PRPF19: variants seen among roughly 807,000 people sequenced by gnomAD.
PRPF19 encodes pre-mRNA-processing factor 19.
A neutral mutation model predicts 64.2 loss-of-function variants in PRPF19; 2 were observed. That is an observed-to-expected ratio of 0.03 (90% CI 0.01 to 0.10). The LOEUF (loss-of-function observed/expected upper bound fraction) is 0.10. Among genes scored for constraint, PRPF19 ranks in the 10% least tolerant of loss-of-function variants. The pLI, the probability that PRPF19 is intolerant of heterozygous loss-of-function variation, is 1.00. For missense variants in PRPF19, 314 were observed against 650.0 expected (o/e 0.48, Z 5.62); for synonymous variants, 226 against 251.6 (o/e 0.90, Z 0.96).
At position 60,890,586 on chromosome 11, in the gene PRPF19, A is replaced by AT. The variant is rs141493608; in HGVS notation, c.*579_*580insA. Reference sequence around the variant, plus strand: ...TTGTTTTTATTTCTGCTGTGCAATTAAAAAAAAAAAAAAAGGGTAAGAGCT... The same window carrying AT: ...TTGTTTTTATTTCTGCTGTGCAATTATAAAAAAAAAAAAAAGGGTAAGAGCT... On this transcript the variant is annotated 3_prime_UTR_variant, in exon 16 of 16. Coordinates refer to ENST00000227524, the MANE Select transcript of PRPF19 (RefSeq NM_014502.5). The AT allele has an allele frequency of 5.6e-5, 1 of 17,826 alleles. No individual in the cohort carries two copies. Among genetic ancestry groups the AT allele is most frequent in the African/African-American group, 9.1e-4 (1 of 1,102 alleles). The allele number at this position is 17,826 out of a possible 1,614,324, so 1.1% of individuals were successfully genotyped here.
At chr11:60,897,305 T>C (rs1855932318) in intron 15 of PRPF19, among the ~76,000 whole-genome samples, 1 of 152,262 alleles carries the variant, frequency 6.6e-6, no homozygotes, top group Non-Finnish European at 1.5e-5. Flanking sequence ...GGAGCAATAA[T>C]AGACTATACT....
At chr11:60,892,680 T>C (rs7105089) in intron 15 of PRPF19, among the ~76,000 whole-genome samples, 41,520 of 151,872 alleles carry the variant, frequency 0.27, 7,096 homozygotes, top group Non-Finnish European at 0.37. Flanking sequence ...GCTGAGGGCT[T>C]TGAACCAAGG....
At chr11:60,897,181 C>T (rs1434323939) in intron 15 of PRPF19, among the ~76,000 whole-genome samples, 1 of 152,194 alleles carries the variant, frequency 6.6e-6, no homozygotes, top group East Asian at 1.9e-4. Flanking sequence ...ATCTCTTATA[C>T]CTTATTTTTA....
chr11:60,905,673 C>T (rs1344755829), intron 1 of PRPF19, among the ~76,000 whole-genome samples: 1 of 152,246 alleles, frequency 6.6e-6, no homozygotes, highest in Non-Finnish European at 1.5e-5. Flanking sequence ...AGATAAGCCC[C>T]GCTCTTCCTG....
Position 60,900,834 on chromosome 11 carries a change from G to A in PRPF19, c.718+20C>T. The A allele has an allele frequency of 1.2e-6, 2 of 1,614,078 alleles. No individual in the cohort carries two copies. Among genetic ancestry groups the A allele is most frequent in the Non-Finnish European group, 1.7e-6 (2 of 1,179,956 alleles). On this transcript the variant is annotated intron_variant, in intron 9 of 15. Transcript: ENST00000227524. ...TGCCCCTCCCCACTTTGGCCTGCCG[G>A]GCTAGGCCCAGACTCTCACCAGTGA... is the stretch of plus-strand genomic sequence containing the variant.
Position 60,902,370 on chromosome 11 carries a change from T to C in PRPF19, c.525+33A>G. 6.3e-7 allele frequency: 1 copy of C among 1,599,504 alleles called. No individual in the cohort carries two copies. The highest frequency in any genetic ancestry group is 8.6e-7 in the Non-Finnish European group (1 of 1,167,746). On this transcript the variant is annotated intron_variant, in intron 6 of 15. Transcript: ENST00000227524. The surrounding 1 kb of genome is among the most constrained non-coding windows in gnomAD (Gnocchi z 5.0). ...ACAGATGGTGAAAAGTAAGGGCCCA[T>C]CAGCACTCCCACCAGGTGAGAGCAG...
At chr11:60,905,824 T>G (rs555833051) in intron 1 of PRPF19, among the ~76,000 whole-genome samples, 14 of 152,372 alleles carry the variant, frequency 9.2e-5, no homozygotes, top group African/African-American at 3.4e-4. Context: ...TTATTAGTCA[T>G]ACAGTGTAAG....
chr11:60,891,159 C>T lies in PRPF19; in HGVS notation c.*7G>A. 2.6e-6 allele frequency: 4 copies of T among 1,542,444 alleles called. No individual in the cohort carries two copies. Among genetic ancestry groups the T allele is most frequent in the Non-Finnish European group, 3.5e-6 (4 of 1,135,356 alleles). Reference sequence around the variant, plus strand: ...TGAGGCCCAGCTTCCATCAGAAGGGCCAGGGCCTACAGGCTGTAGAACTTG... The same window carrying T: ...TGAGGCCCAGCTTCCATCAGAAGGGTCAGGGCCTACAGGCTGTAGAACTTG... On this transcript the variant is annotated 3_prime_UTR_variant, in exon 16 of 16. Coordinates refer to ENST00000227524, the MANE Select transcript of PRPF19 (RefSeq NM_014502.5).
Position 60,906,517 on chromosome 11 carries a change from G to A in PRPF19, c.-135C>T. 1 of 920,956 alleles carries A rather than the reference G, an allele frequency of 1.1e-6. No homozygotes were observed. The highest frequency in any genetic ancestry group is 1.6e-5 in the South Asian group (1 of 61,946). 57.0% of individuals were successfully genotyped at this position (920,956 alleles called of 1,614,324 possible). A position where few individuals can be genotyped will look rare whatever the true frequency, so the allele number is the denominator to read the frequency against. ...AGCTGGGAGCCGCCAGCCGAGCGATGCTAGCGTAGCGCTTCACGTGGGAAT... is the reference window on the plus strand; with the variant it reads ...AGCTGGGAGCCGCCAGCCGAGCGATACTAGCGTAGCGCTTCACGTGGGAAT... On this transcript the variant is annotated 5_prime_UTR_variant, in exon 1 of 16. Transcript: ENST00000227524.
At position 60,902,714 on chromosome 11, in the gene PRPF19, G is replaced by T. The variant is rs767532819; in HGVS notation, c.388+26C>A. The T allele has an allele frequency of 3.1e-6, 5 of 1,614,202 alleles. No individual in the cohort carries two copies. The Admixed American group carries it at 6.7e-5, about 22-fold the overall frequency. ...TTACAATGCAGAACCAGCCCAGGGT[G>T]GGGGATGGCAGGGGAGAGGCTGCAC... On this transcript the variant is annotated intron_variant, in intron 4 of 15. Coordinates refer to ENST00000227524, the MANE Select transcript of PRPF19 (RefSeq NM_014502.5). The surrounding 1 kb of genome is among the most constrained non-coding windows in gnomAD (Gnocchi z 5.0).
rs768654388 is a variant in PRPF19, at chr11:60,898,498, C to A, written c.1140+43G>T. On this transcript the variant is annotated intron_variant, in intron 13 of 15. Transcript: ENST00000227524. The surrounding 1 kb of genome is among the most constrained non-coding windows in gnomAD (Gnocchi z 4.6). ...TTAGCACTGCATTGTCACAAACACT[C>A]CCTCTGGCCCTGGGCCTCAGATGGA... 4.3e-5 allele frequency: 69 copies of A among 1,613,314 alleles called. No homozygotes were observed. The highest frequency in any genetic ancestry group is 5.0e-5 in the Non-Finnish European group (59 of 1,179,832).
intron 6 of PRPF19, among the ~76,000 whole-genome samples, chr11:60,901,898 C>T (rs1565111545): frequency 6.6e-6 from 1 of 152,148 alleles, no homozygotes; most frequent in Non-Finnish European, 1.5e-5. Flanking sequence ...TTGAACTGCT[C>T]AGAAAGACAC....
In PRPF19 at chr11:60,898,745, T is replaced by C; in HGVS notation, c.1054+117A>G. The C allele has an allele frequency of 6.5e-7, 1 of 1,549,148 alleles. No homozygotes were observed. The highest frequency in any genetic ancestry group is 2.0e-5 in the Admixed American group (1 of 50,458). ...AGTGAACCCAGCACAAAGCCCGCAC[T>C]AGACAGGTGCTCATGGTAAATATAT... On this transcript the variant is annotated intron_variant, in intron 12 of 15. Transcript: ENST00000227524. The surrounding 1 kb of genome is among the most constrained non-coding windows in gnomAD (Gnocchi z 4.6).
Position 60,903,845 on chromosome 11 carries a change from C to T in PRPF19, c.36G>A (p.Pro12=), listed in dbSNP as rs376521508. ...AGACAGGGGATACACATGGGTGCTCCGGCACTTCGTTAGAGACTGTAGAGA... is the reference window on the plus strand; with the variant it reads ...AGACAGGGGATACACATGGGTGCTCTGGCACTTCGTTAGAGACTGTAGAGA... ...SLICSISNEV[P]EHPCVSPVSN... Residue 12 remains proline (P), a synonymous_variant, in exon 2 of 16, where the codon CCG becomes CCA. Coordinates refer to ENST00000227524, the MANE Select transcript of PRPF19 (RefSeq NM_014502.5). The T allele has an allele frequency of 2.3e-5, 37 of 1,608,362 alleles. No individual in the cohort carries two copies. Among genetic ancestry groups the T allele is most frequent in the Admixed American group, 1.2e-4 (7 of 57,610 alleles).
rs1855973273 is a variant in PRPF19 at position 60,900,579 on chromosome 11, T to C, written c.828+3A>G. On this transcript the variant is annotated splice_donor_region_variant and intron_variant, in intron 10 of 15. Coordinates refer to ENST00000227524, the MANE Select transcript of PRPF19 (RefSeq NM_014502.5). ...ACCAAGGGTGGCGAGGAGAACCCCT[T>C]ACCTGGGAAGGGTGAAACACCACGC... The C allele has an allele frequency of 1.3e-6, 2 of 1,546,762 alleles. No individual in the cohort carries two copies. Among genetic ancestry groups the C allele is most frequent in the South Asian group, 2.4e-5 (2 of 83,974 alleles).
At chr11:60,905,624 AC>A (rs1005408722) in intron 1 of PRPF19, among the ~76,000 whole-genome samples, 4 of 152,206 alleles carry the variant, frequency 2.6e-5, no homozygotes, top group African/African-American at 9.6e-5. Flanking sequence ...TCACCTAACT[AC>A]GTCACCCAGC....
At position 60,902,917 on chromosome 11, in the gene PRPF19, G is replaced by T. The variant is rs779702724; in HGVS notation, c.247-36C>A. 1 of 1,605,140 alleles carries T rather than the reference G, an allele frequency of 6.2e-7. No homozygotes were observed. Among genetic ancestry groups the T allele is most frequent in the South Asian group, 1.1e-5 (1 of 90,726 alleles). ...CAAATATCATTGTAAGGTGAGGTGG[G>T]GGGTGCAGGGAGTACCCAGTGGAGT... On this transcript the variant is annotated intron_variant, in intron 3 of 15. Transcript: ENST00000227524. This position sits in a 1 kb window ranked among gnomAD's most constrained non-coding sequence, Gnocchi z 5.0.
At chr11:60,896,312 G>A (rs1855920200) in intron 15 of PRPF19, among the ~76,000 whole-genome samples, 1 of 152,226 alleles carries the variant, frequency 6.6e-6, no homozygotes, top group African/African-American at 2.4e-5. Flanking sequence ...GAGATGACAG[G>A]TTTATGCATG....
At chr11:60,903,022 A>G (rs984835452) in intron 3 of PRPF19, 141 bp from the exon 4 acceptor site, 59 of 1,389,968 alleles carry the variant, frequency 4.2e-5, no homozygotes, top group Non-Finnish European at 5.5e-5. Context: ...CCGAGCAAAC[A>G]CGAATGTGCC....
Sources: gnomAD v4.1 joint callset for allele counts (sites outside exome capture counted in the v4.1 genomes callset) on GRCh38, gnomAD v4.1.1 for gene constraint, Gnocchi (gnomAD v3.1) non-coding constraint, MANE v1.5 for transcripts, NCBI Gene and HGNC (gene_info 2026-07-23, HGNC 2026-07-21) for gene names.